Variants in PRR16 observed in about 807,000 individuals in gnomAD.
The protein encoded by PRR16 is proline rich 16.
In PRR16, 6 loss-of-function variants were observed where a neutral mutation model predicts 18.2. The observed-to-expected ratio is 0.33, with a 90% CI of 0.18 to 0.65. The LOEUF is 0.65. PRR16 is among the 30% of genes least tolerant of loss of function. The probability of loss-of-function intolerance (pLI) is 0.74; values close to 1 mark genes in which losing one functional copy is unlikely to be tolerated. For synonymous variants in PRR16, 151 were observed against 147.8 expected (o/e 1.02, Z -0.16); for missense variants, 412 against 376.6 (o/e 1.09, Z -0.78).
intron 1 of PRR16, among the ~76,000 whole-genome samples, chr5:120,537,246 A>C (rs1272315711): frequency 1.3e-5 from 2 of 152,258 alleles, no homozygotes; most frequent in African/African-American, 2.4e-5. Context: ...TCATTTATGA[A>C]TTGAATTTGA....
chr5:120,743,135 T>C, the PRR16 span, among the ~76,000 whole-genome samples: 1 of 152,254 alleles, frequency 6.6e-6, no homozygotes, highest in East Asian at 1.9e-4. Flanking sequence ...TTGGTGTCAT[T>C]ATTCCAACTC....
At chr5:120,505,547 TAAGA>T (rs1271058818) in intron 1 of PRR16, among the ~76,000 whole-genome samples, 1 of 152,142 alleles carries the variant, frequency 6.6e-6, no homozygotes, top group African/African-American at 2.4e-5. Context: ...TTATTTATCA[TAAGA>T]AAGATCAGGC....
intron 1 of PRR16, among the ~76,000 whole-genome samples, chr5:120,653,693 A>C (rs970007951): frequency 1.5e-5 from 2 of 132,572 alleles, no homozygotes; most frequent in Admixed American, 1.5e-4. Flanking sequence ...CTTCACATTA[A>C]AAAAAAATAG....
chr5:120,576,274 C>G (rs1395478247), intron 1 of PRR16, among the ~76,000 whole-genome samples: 1 of 151,902 alleles, frequency 6.6e-6, no homozygotes, highest in Non-Finnish European at 1.5e-5. Flanking sequence ...GGAATATAAT[C>G]CAAAATATAT....
chr5:120,637,941 C>T (rs1452942211), intron 1 of PRR16, among the ~76,000 whole-genome samples: 1 of 151,992 alleles, frequency 6.6e-6, no homozygotes, highest in East Asian at 1.9e-4. Context: ...GTTGAGTATC[C>T]CTTATCTGAA....
the PRR16 span, among the ~76,000 whole-genome samples, chr5:120,704,390 C>T: frequency 6.6e-6 from 1 of 151,938 alleles, no homozygotes; most frequent in Non-Finnish European, 1.5e-5. Context: ...GTGTTGCAAG[C>T]CTGAAAGAAT....
chr5:120,685,230 C>T (rs1757083806), intron 1 of PRR16, among the ~76,000 whole-genome samples: 1 of 152,170 alleles, frequency 6.6e-6, no homozygotes, highest in African/African-American at 2.4e-5. Context: ...TCTCTTCCAT[C>T]TCTTTCCTCC....
intron 1 of PRR16, among the ~76,000 whole-genome samples, chr5:120,473,798 G>A (rs1432844527): frequency 6.6e-6 from 1 of 152,124 alleles, no homozygotes; most frequent in African/African-American, 2.4e-5. Context: ...ATAAACACTA[G>A]TTTACATCAA....
At chr5:120,509,843 G>T (rs996713074) in intron 1 of PRR16, among the ~76,000 whole-genome samples, 4 of 152,044 alleles carry the variant, frequency 2.6e-5, no homozygotes, top group Non-Finnish European at 4.4e-5. Flanking sequence ...TTGGAATTTT[G>T]TGTCAGCATT....
intron 1 of PRR16, among the ~76,000 whole-genome samples, chr5:120,624,894 A>G (rs1007106678): frequency 6.6e-5 from 10 of 152,174 alleles, no homozygotes; most frequent in Non-Finnish European, 1.2e-4. Context: ...AATAAGTCTC[A>G]TGAGATCTGA....
intron 1 of PRR16, among the ~76,000 whole-genome samples, chr5:120,530,193 A>AAT (rs1201730464): frequency 6.9e-6 from 1 of 144,858 alleles, no homozygotes; most frequent in East Asian, 2.0e-4. Flanking sequence ...ATATATATAG[A>AAT]ATATATATAT....
the PRR16 span, among the ~76,000 whole-genome samples, chr5:120,722,148 T>G: frequency 6.6e-6 from 1 of 152,178 alleles, no homozygotes; most frequent in South Asian, 2.1e-4. Flanking sequence ...TGTGTTAGTT[T>G]GCTGAGAATG....
chr5:120,464,940 G>A (rs1302380739), intron 1 of PRR16, among the ~76,000 whole-genome samples: 1 of 152,134 alleles, frequency 6.6e-6, no homozygotes, highest in Non-Finnish European at 1.5e-5. Context: ...ACGGGGGAGA[G>A]GGTTAGCTGG....
the PRR16 span, among the ~76,000 whole-genome samples, chr5:120,764,489 A>G: frequency 5.9e-5 from 9 of 151,582 alleles, no homozygotes; most frequent in Admixed American, 2.6e-4. Context: ...TTTTGTGTCT[A>G]TATTCTAGAT....
chr5:120,579,610 T>C (rs1419512387), intron 1 of PRR16, among the ~76,000 whole-genome samples: 1 of 152,224 alleles, frequency 6.6e-6, no homozygotes, highest in Non-Finnish European at 1.5e-5. Context: ...TATTGGTCTA[T>C]ATGTCTGTTT....
chr5:120,464,606 C>G lies in PRR16; in HGVS notation c.120C>G (p.Val40=), dbSNP rs1329002294. The change falls in exon 1 of 2, where the codon GTC becomes GTG. Residue 40 remains valine (V), a synonymous_variant. Transcript: ENST00000407149. ...IKIIVEDLEL[V]LGDLKDVAKE... is the part of the protein sequence containing the mutation. ...TCATCGTGGAGGATTTGGAATTAGT[C>G]CTGGGCGACCTGAAGGACGTGGCCA... The G allele has an allele frequency of 1.9e-6, 3 of 1,576,798 alleles. No homozygotes were observed. Among genetic ancestry groups the G allele is most frequent in the African/African-American group, 2.7e-5 (2 of 74,588 alleles).
intron 1 of PRR16, among the ~76,000 whole-genome samples, chr5:120,590,748 G>GA (rs1227183256): frequency 6.6e-6 from 1 of 151,984 alleles, no homozygotes; most frequent in Non-Finnish European, 1.5e-5. Flanking sequence ...TGGTGTTGCT[G>GA]AACATAGAAT....
chr5:120,729,656 T>C, the PRR16 span, among the ~76,000 whole-genome samples: 4 of 152,148 alleles, frequency 2.6e-5, no homozygotes, highest in Non-Finnish European at 5.9e-5. Context: ...AATAAATGAA[T>C]GAGTGAAATA....
the PRR16 span, among the ~76,000 whole-genome samples, chr5:120,754,593 TAATATATATCG>T: frequency 1.1e-4 from 11 of 104,022 alleles, no homozygotes; most frequent in Non-Finnish European, 1.8e-4. Flanking sequence ...ATATTATATA[TAATATATATCG>T]TTATATATTA....
Sources: allele counts gnomAD v4.1 joint callset (sites outside exome capture counted in the v4.1 genomes callset), GRCh38; gene constraint gnomAD v4.1.1; transcripts MANE v1.5; gene names NCBI Gene and HGNC (gene_info 2026-07-23, HGNC 2026-07-21).